The following SMYD3 variants were observed in gnomAD, a reference collection of about 807,000 sequenced individuals.
SMYD3 encodes SET and MYND domain containing 3.
In SMYD3, 36 loss-of-function variants were observed where a neutral mutation model predicts 57.7. The observed-to-expected ratio is 0.62, with a 90% CI of 0.48 to 0.82. The LOEUF is 0.82. Ranked by LOEUF, SMYD3 falls within the 40% of genes least tolerant of loss-of-function variation. The probability of loss-of-function intolerance (pLI) is 0.00; values close to 1 mark genes in which losing one functional copy is unlikely to be tolerated. For synonymous variants in SMYD3, 211 were observed against 195.0 expected, an observed-to-expected ratio of 1.08 and a Z score of -0.68; for missense variants, 515 against 538.8, an observed-to-expected ratio of 0.96 and a Z score of 0.44.
chr1:245,790,624 A>G (rs1481258806), intron 10 of SMYD3, among the ~76,000 whole-genome samples: 14 of 152,256 alleles, frequency 9.2e-5, no homozygotes, highest in Non-Finnish European at 8.8e-5. Flanking sequence ...TCTTTTGGTC[A>G]GAGGGAGAGC....
intron 1 of SMYD3, 32 bp downstream of exon 1, chr1:246,507,022 G>T: frequency 7.1e-7 from 1 of 1,413,152 alleles, no homozygotes; most frequent in South Asian, 1.4e-5. Flanking sequence ...CACAGCTCGC[G>T]ACTCAGGTAG....
At chr1:246,059,044 T>C (rs1572958825) in intron 5 of SMYD3, among the ~76,000 whole-genome samples, 1 of 152,096 alleles carries the variant, frequency 6.6e-6, no homozygotes, top group East Asian at 1.9e-4. Context: ...CCGGCTAAAT[T>C]TTTTTGTATT....
Position 245,764,161 on chromosome 1 carries a change from C to G in SMYD3, c.1077-12G>C, listed in dbSNP as rs763408776. On this transcript the variant is annotated splice_polypyrimidine_tract_variant and intron_variant, in intron 10 of 11. Coordinates refer to ENST00000490107, the MANE Select transcript of SMYD3 (RefSeq NM_001167740.2). Reference sequence around the variant, plus strand: ...CTGGGAAAAAAATCCTGGAAGAAACCAAACGGCAAACAGTGTCAGCAGCCC... The same window carrying G: ...CTGGGAAAAAAATCCTGGAAGAAACGAAACGGCAAACAGTGTCAGCAGCCC... The G allele has an allele frequency of 6.3e-7, 1 of 1,580,750 alleles. No homozygotes were observed. The highest frequency in any genetic ancestry group is 1.1e-5 in the South Asian group (1 of 90,386).
In SMYD3 at chr1:246,055,195, A is replaced by C. The variant is rs530094954; in HGVS notation, c.532-125258T>G. ...TGTCTCAGAAAAAAACAAAAAAAAA[A>C]ACAAATGTTGGCAAGGATGTAGAGA... is the stretch of plus-strand genomic sequence containing the variant. On this transcript the variant is annotated intron_variant, in intron 5 of 11. Coordinates refer to ENST00000490107, the MANE Select transcript of SMYD3 (RefSeq NM_001167740.2). Among the ~76,000 whole-genome samples, 11 of 152,170 alleles carry C rather than the reference A, an allele frequency of 7.2e-5. No individual in the cohort carries two copies. In the East Asian group the frequency reaches 1.2e-3, roughly 16 times the overall value.
chr1:246,003,944 G>A (rs2059126467), intron 5 of SMYD3, among the ~76,000 whole-genome samples: 2 of 152,166 alleles, frequency 1.3e-5, no homozygotes, highest in Non-Finnish European at 2.9e-5. Flanking sequence ...ATGTTCCTCT[G>A]TTATATAAGC....
At chr1:245,937,532 T>G (rs931360421) in intron 5 of SMYD3, among the ~76,000 whole-genome samples, 1 of 152,204 alleles carries the variant, frequency 6.6e-6, no homozygotes, top group Non-Finnish European at 1.5e-5. Context: ...GTCAAATACG[T>G]AGAGAAGGTA....
intron 8 of SMYD3, among the ~76,000 whole-genome samples, chr1:245,897,058 G>A (rs2053863197): frequency 6.6e-6 from 1 of 152,230 alleles, no homozygotes. Context: ...TAAAAGAAGT[G>A]TGATTAGAAT....
At chr1:246,340,802 T>C (rs2065621237) in intron 2 of SMYD3, among the ~76,000 whole-genome samples, 1 of 151,914 alleles carries the variant, frequency 6.6e-6, no homozygotes. Flanking sequence ...CCCATCTCTA[T>C]AAAAAAAAAT....
At chr1:246,314,500 A>G (rs1236510947) in intron 5 of SMYD3, among the ~76,000 whole-genome samples, 3 of 152,236 alleles carry the variant, frequency 2.0e-5, no homozygotes, top group African/African-American at 7.2e-5. Context: ...AGTACACATT[A>G]AAGTACTTGG....
intron 5 of SMYD3, among the ~76,000 whole-genome samples, chr1:245,978,083 G>A (rs143655405): frequency 8.1e-4 from 123 of 152,310 alleles, no homozygotes; most frequent in African/African-American, 2.8e-3. Context: ...ACACCAGCAC[G>A]CCTGGCTCTT....
intron 5 of SMYD3, among the ~76,000 whole-genome samples, chr1:246,162,309 T>C (rs1024536081): frequency 3.3e-5 from 5 of 152,152 alleles, no homozygotes; most frequent in African/African-American, 1.2e-4. Context: ...GTGGAGGGTG[T>C]TTCTGGGAAA....
intron 5 of SMYD3, among the ~76,000 whole-genome samples, chr1:246,147,172 C>G (rs1370800629): frequency 7.8e-6 from 1 of 129,006 alleles, no homozygotes; most frequent in East Asian, 1.9e-4. Flanking sequence ...TCACTGTAAA[C>G]AACGCTGCCC....
At chr1:245,993,085 G>A (rs10924430) in intron 5 of SMYD3, among the ~76,000 whole-genome samples, 77,271 of 151,836 alleles carry the variant, frequency 0.51, 23,339 homozygotes, top group Middle Eastern at 0.69. Context: ...GAGGTAGAAG[G>A]GCTGCTGCTT....
At chr1:245,774,677 C>G (rs1434659319) in intron 10 of SMYD3, among the ~76,000 whole-genome samples, 1 of 121,472 alleles carries the variant, frequency 8.2e-6, no homozygotes, top group African/African-American at 3.0e-5. Flanking sequence ...CTCCCTCTCC[C>G]TTTCCCACGG....
At position 245,955,873 on chromosome 1, in the gene SMYD3, TG is replaced by T. The variant is rs1429776247; in HGVS notation, c.532-25937del. On this transcript the variant is annotated intron_variant, in intron 5 of 11. Coordinates refer to ENST00000490107, the MANE Select transcript of SMYD3 (RefSeq NM_001167740.2). ...GCATTGATGATTTTGCAATTTGTTT[TG>T]GGTTTTTTTTTTTTTTGGCTCAACA... 83 of 850,136 alleles carry T rather than the reference TG, an allele frequency of 9.8e-5. No homozygotes were observed. The African/African-American group carries it at 2.2e-3, about 23-fold the overall frequency. 52.7% of individuals were successfully genotyped at this position (850,136 alleles called of 1,614,324 possible). A position where few individuals can be genotyped will look rare whatever the true frequency, so the allele number is the denominator to read the frequency against.
At chr1:245,938,549 T>C (rs999186821) in intron 5 of SMYD3, among the ~76,000 whole-genome samples, 25 of 152,186 alleles carry the variant, frequency 1.6e-4, no homozygotes, top group African/African-American at 4.8e-4. Flanking sequence ...TTTTTGGAAA[T>C]ATAGAAAGAA....
intron 5 of SMYD3, among the ~76,000 whole-genome samples, chr1:246,084,739 C>G (rs540859318): frequency 6.6e-6 from 1 of 152,210 alleles, no homozygotes; most frequent in Non-Finnish European, 1.5e-5. Context: ...TAGATGCCTA[C>G]AGAATATAGG....
chr1:246,058,515 C>T (rs187261819), intron 5 of SMYD3, among the ~76,000 whole-genome samples: 1 of 152,298 alleles, frequency 6.6e-6, no homozygotes, highest in East Asian at 1.9e-4. Context: ...ATAAATGATT[C>T]ATTTATCTTT....
intron 5 of SMYD3, among the ~76,000 whole-genome samples, chr1:246,031,058 A>G (rs1199691802): frequency 6.6e-6 from 1 of 152,124 alleles, no homozygotes; most frequent in African/African-American, 2.4e-5. Context: ...TCTTATTCCC[A>G]GACAAACTTA....
Sources: gnomAD v4.1 joint callset for allele counts (sites outside exome capture counted in the v4.1 genomes callset) on GRCh38, gnomAD v4.1.1 for gene constraint, MANE v1.5 for transcripts, NCBI Gene and HGNC (gene_info 2026-07-23, HGNC 2026-07-21) for gene names.